Variants in KCNS3 observed in about 807,000 individuals in gnomAD.
KCNS3 encodes delayed-rectifier potassium channel regulatory subunit KCNS3.
KCNS3 carries 13 observed loss-of-function variants against 31.0 expected under a neutral mutation model. The ratio of observed to expected loss-of-function variants is 0.42; its 90% CI spans 0.27 to 0.67. KCNS3 has a LOEUF of 0.67. Ranked by LOEUF, KCNS3 falls within the 30% of genes least tolerant of loss-of-function variation. The pLI, the probability that KCNS3 is intolerant of heterozygous loss-of-function variation, is 0.25. For synonymous variants in KCNS3, 238 were observed against 241.5 expected, an observed-to-expected ratio of 0.99 and a Z score of 0.13; for missense variants, 545 against 622.4, an observed-to-expected ratio of 0.88 and a Z score of 1.32.
chr2:17,922,975 G>T (rs944892977), intron 2 of KCNS3, among the ~76,000 whole-genome samples: 1 of 152,152 alleles, frequency 6.6e-6, no homozygotes, highest in African/African-American at 2.4e-5. Context: ...GAATGGAATT[G>T]CTGGGTCATA....
chr2:17,895,091 G>A (rs531274620), intron 1 of KCNS3, among the ~76,000 whole-genome samples: 1 of 152,304 alleles, frequency 6.6e-6, no homozygotes, highest in Non-Finnish European at 1.5e-5. Flanking sequence ...TCCCAGGATA[G>A]TTTTCAGGGA....
intron 1 of KCNS3, among the ~76,000 whole-genome samples, chr2:17,916,746 A>G (rs1164965130): frequency 6.6e-6 from 1 of 151,790 alleles, no homozygotes; most frequent in Non-Finnish European, 1.5e-5. Flanking sequence ...CATCTGGTTT[A>G]TAATCCCAGT....
rs182335633 is a variant in KCNS3, at chr2:17,929,941, T to C, written c.-59-1009T>C. On this transcript the variant is annotated intron_variant, in intron 2 of 2. Transcript: ENST00000304101. ...TGACATAATGTGTAAAGGCCTCCAG[T>C]AGTATCAGGTGGGGACTCAGTATAT... is the stretch of plus-strand genomic sequence containing the variant. Among the ~76,000 whole-genome samples, 15 of 152,290 alleles carry C rather than the reference T, an allele frequency of 9.8e-5. No homozygotes were observed. The East Asian group carries it at 2.7e-3, about 27-fold the overall frequency.
intron 1 of KCNS3, among the ~76,000 whole-genome samples, chr2:17,888,515 A>C (rs1372458052): frequency 1.3e-5 from 2 of 151,016 alleles, no homozygotes; most frequent in Non-Finnish European, 3.0e-5. Flanking sequence ...GATATACCTA[A>C]TGTAAATGAT....
In KCNS3 at chr2:17,932,541, T is replaced by C; in HGVS notation, c.*57T>C. ...TTTCCCGACATTAGGTTAACACAGC[T>C]TTATAAACCTCAGTGGGTTCGTTAA... is the stretch of plus-strand genomic sequence containing the variant. On this transcript the variant is annotated 3_prime_UTR_variant, in exon 3 of 3. Coordinates refer to ENST00000304101, the MANE Select transcript of KCNS3 (RefSeq NM_002252.5). The C allele has an allele frequency of 6.5e-7, 1 of 1,528,318 alleles. No individual in the cohort carries two copies. The highest frequency in any genetic ancestry group is 8.8e-7 in the Non-Finnish European group (1 of 1,135,460). 94.7% of individuals were successfully genotyped at this position (1,528,318 alleles called of 1,614,324 possible).
chr2:17,888,653 A>ATATATATC (rs1661761488), intron 1 of KCNS3, among the ~76,000 whole-genome samples: 1 of 134,212 alleles, frequency 7.5e-6, no homozygotes, highest in Non-Finnish European at 1.6e-5. Flanking sequence ...ATATATATAT[A>ATATATATC]TATATATATA....
At chr2:17,908,554 A>T (rs1355442310) in intron 1 of KCNS3, among the ~76,000 whole-genome samples, 1 of 152,094 alleles carries the variant, frequency 6.6e-6, no homozygotes, top group East Asian at 1.9e-4. Context: ...TAGAATTTTC[A>T]GTTTTTCTGC....
At chr2:17,905,029 G>C (rs1558452614) in intron 1 of KCNS3, among the ~76,000 whole-genome samples, 1 of 152,150 alleles carries the variant, frequency 6.6e-6, no homozygotes, top group East Asian at 1.9e-4. Context: ...GGATGGCATT[G>C]AATCTATAAA....
intron 1 of KCNS3, among the ~76,000 whole-genome samples, chr2:17,892,478 A>T (rs1361258156): frequency 3.9e-5 from 6 of 151,976 alleles, no homozygotes; most frequent in Admixed American, 3.3e-4. Context: ...CTGGTGAACT[A>T]GTGTGATTTT....
intron 1 of KCNS3, among the ~76,000 whole-genome samples, chr2:17,899,885 T>C (rs913431622): frequency 1.3e-5 from 2 of 152,240 alleles, no homozygotes; most frequent in African/African-American, 4.8e-5. Flanking sequence ...GTAATTGGTA[T>C]TGTTTAAACA....
At chr2:17,908,028 TCTC>T (rs748293154) in intron 1 of KCNS3, among the ~76,000 whole-genome samples, 99 of 152,346 alleles carry the variant, frequency 6.5e-4, no homozygotes, top group Non-Finnish European at 1.2e-3. Flanking sequence ...TTGGGGATGT[TCTC>T]CTGGATAATA....
intron 2 of KCNS3, among the ~76,000 whole-genome samples, chr2:17,918,246 C>T (rs1336795157): frequency 6.6e-6 from 1 of 152,210 alleles, no homozygotes; most frequent in African/African-American, 2.4e-5. Context: ...TGGTCAGAGT[C>T]TGGCTCAGGT....
intron 1 of KCNS3, among the ~76,000 whole-genome samples, chr2:17,881,359 A>G (rs1433125409): frequency 6.6e-6 from 1 of 152,228 alleles, no homozygotes; most frequent in Non-Finnish European, 1.5e-5. Context: ...ATCATAGAGA[A>G]GAGAATAGGA....
At chr2:17,929,481 G>A (rs13396781) in intron 2 of KCNS3, among the ~76,000 whole-genome samples, 4,090 of 152,288 alleles carry the variant, frequency 0.027, 142 homozygotes, top group African/African-American at 0.079. Context: ...GGGGGATGAT[G>A]CTAAGCCATT....
At position 17,931,656 on chromosome 2, in the gene KCNS3, A is replaced by T. The variant is rs1662977618; in HGVS notation, c.648A>T (p.Glu216Asp). 1 of 1,614,076 alleles carries T rather than the reference A, an allele frequency of 6.2e-7. No homozygotes were observed. The highest frequency in any genetic ancestry group is 1.3e-5 in the African/African-American group (1 of 74,936). ...SMSEFQNEDG[E>D]VDDPVLEGVE... The stretch of plus-strand genomic sequence containing the variant: ...CGGAGTTCCAGAATGAGGATGGAGA[A>T]GTGGATGATCCGGTGCTGGAAGGAG... Residue 216 changes from glutamate (E) to aspartate (D), a missense_variant, in exon 3 of 3, where the codon GAA becomes GAT. Transcript: ENST00000304101. The surrounding 1 kb of genome is among the most constrained non-coding windows in gnomAD (Gnocchi z 5.4).
intron 1 of KCNS3, chr2:17,879,492 G>A (rs1674589997): frequency 6.6e-6 from 1 of 152,044 alleles, no homozygotes; most frequent in African/African-American, 2.4e-5. Flanking sequence ...TCTGCGTTTG[G>A]ATCAGTGGCA....
intron 1 of KCNS3, among the ~76,000 whole-genome samples, chr2:17,914,399 A>C (rs1662543564): frequency 6.6e-6 from 1 of 152,166 alleles, no homozygotes; most frequent in Non-Finnish European, 1.5e-5. Flanking sequence ...AGGTCTTGAC[A>C]TTCAAAACCC....
chr2:17,914,314 C>CA (rs1430570811), intron 1 of KCNS3, among the ~76,000 whole-genome samples: 2 of 152,186 alleles, frequency 1.3e-5, no homozygotes, highest in African/African-American at 4.8e-5. Context: ...CCCAGATCAG[C>CA]AGGAGGCACC....
At chr2:17,893,583 A>T (rs1661910929) in intron 1 of KCNS3, among the ~76,000 whole-genome samples, 1 of 152,070 alleles carries the variant, frequency 6.6e-6, no homozygotes, top group South Asian at 2.1e-4. Context: ...GGACCCAGTG[A>T]GCTCCCAGGG....
Sources: allele counts gnomAD v4.1 joint callset (sites outside exome capture counted in the v4.1 genomes callset), GRCh38; gene constraint gnomAD v4.1.1; non-coding constraint Gnocchi (gnomAD v3.1); transcripts MANE v1.5; gene names NCBI Gene and HGNC (gene_info 2026-07-23, HGNC 2026-07-21).